GDA: variants seen among roughly 807,000 people sequenced by gnomAD.
GDA encodes guanine deaminase, also known as cytoplasmic PSD-95 interactor.
In GDA, 18 loss-of-function variants were observed where a neutral mutation model predicts 59.6. The ratio of observed to expected loss-of-function variants is 0.30; its 90% CI spans 0.21 to 0.45. The LOEUF (loss-of-function observed/expected upper bound fraction) is 0.45. Among genes scored for constraint, GDA ranks in the 20% least tolerant of loss-of-function variants. The pLI is 1.00. For synonymous variants in GDA, 201 were observed against 201.1 expected (o/e 1.00, Z 0.00); for missense variants, 427 against 552.3 (o/e 0.77, Z 2.27).
chr9:72,146,464 C>G (rs1262484653), upstream of GDA, among the ~76,000 whole-genome samples: 1 of 152,022 alleles, frequency 6.6e-6, no homozygotes, highest in Non-Finnish European at 1.5e-5. Context: ...GAATGGGAGT[C>G]AAAATTGCAG....
chr9:72,234,206 A>G (rs1326138225), intron 10 of GDA, among the ~76,000 whole-genome samples: 4 of 152,182 alleles, frequency 2.6e-5, no homozygotes, highest in Non-Finnish European at 5.9e-5. Flanking sequence ...GACCAACAGA[A>G]CTAACTGATA....
chr9:72,134,460 G>C (rs1826147509), intron 1 of GDA, among the ~76,000 whole-genome samples: 1 of 151,876 alleles, frequency 6.6e-6, no homozygotes, highest in Admixed American at 6.6e-5. Context: ...GGAGTGCAGT[G>C]GTGTGATCTC....
chr9:72,245,055 C>A (rs1315222973), intron 11 of GDA, 93 bp from the exon 12 acceptor site: 3 of 1,196,082 alleles, frequency 2.5e-6, no homozygotes, highest in Non-Finnish European at 3.6e-6. Context: ...TTTCTCCTAG[C>A]GACATGTTGG....
At position 72,133,287 on chromosome 9, in the gene GDA, TA is replaced by T. The variant is rs1257876460; in HGVS notation, c.-100+18477del. On this transcript the variant is annotated intron_variant, in intron 1 of 13. Coordinates refer to the GDA transcript ENST00000545168. ...CCAGGTGACAAAGCAAGACTCTGTC[TA>T]AAAAAAAAAAAAAAAAAAAAAATAA... Among the ~76,000 whole-genome samples the T allele has an allele frequency of 8.4e-3, 803 of 95,480 alleles. 7 individuals carry two copies. Among genetic ancestry groups the T allele is most frequent in the African/African-American group, 0.014 (318 of 23,054 alleles). The allele number at this position is 95,480 out of a possible 152,430, so 62.6% of individuals were successfully genotyped here.
At position 72,159,227 on chromosome 9, in the gene GDA, C is replaced by T. The variant is rs530812737; in HGVS notation, c.123+9545C>T. On this transcript the variant is annotated intron_variant, in intron 1 of 13. Coordinates refer to ENST00000358399, the MANE Select transcript of GDA (RefSeq NM_004293.5). ...TGGCCAACATGGTGAAACCCCGTCT[C>T]TACTAAAAATACAAAAATTAGCCAG... Among the ~76,000 whole-genome samples the T allele has an allele frequency of 3.1e-4, 47 of 152,226 alleles. No individual in the cohort carries two copies. The South Asian group carries it at 8.9e-3, about 29-fold the overall frequency.
chr9:72,208,565 C>G (rs545766102), intron 3 of GDA, among the ~76,000 whole-genome samples: 1 of 152,290 alleles, frequency 6.6e-6, no homozygotes, highest in East Asian at 1.9e-4. Flanking sequence ...CTCTTTGCCT[C>G]TTTCCTGCGT....
At chr9:72,121,700 C>G (rs745779066) in intron 1 of GDA, among the ~76,000 whole-genome samples, 9 of 152,212 alleles carry the variant, frequency 5.9e-5, no homozygotes, top group South Asian at 4.1e-4. Context: ...TCTGCCTCAT[C>G]ATAGACAAAC....
At chr9:72,168,658 G>GCAT (rs987966901) in intron 1 of GDA, among the ~76,000 whole-genome samples, 5 of 152,122 alleles carry the variant, frequency 3.3e-5, no homozygotes, top group African/African-American at 1.2e-4. Context: ...CTCCCAAAGT[G>GCAT]CTGATACCCT....
At chr9:72,232,905 A>G (rs1838521985) in intron 10 of GDA, among the ~76,000 whole-genome samples, 1 of 152,228 alleles carries the variant, frequency 6.6e-6, no homozygotes, top group Non-Finnish European at 1.5e-5. Context: ...AATGCATGCA[A>G]ATTGGTTAGC....
At chr9:72,220,611 C>T (rs79900083) in intron 6 of GDA, among the ~76,000 whole-genome samples, 1 of 152,064 alleles carries the variant, frequency 6.6e-6, no homozygotes, top group Admixed American at 6.5e-5. Flanking sequence ...TCCTTACCCC[C>T]CTCTGGGATC....
chr9:72,174,757 T>G lies in GDA; in HGVS notation c.124-20743T>G, dbSNP rs557618503. Among the ~76,000 whole-genome samples, 405 of 150,640 alleles carry G rather than the reference T, an allele frequency of 2.7e-3. 2 individuals are homozygous for G. The highest frequency in any genetic ancestry group is 6.6e-3 in the African/African-American group (269 of 40,604). ...GAACTGTTGAGGTTATATATATATA[T>G]ATATAGAGAGAGAGAGAGAGAGACA... On this transcript the variant is annotated intron_variant, in intron 1 of 13. Coordinates refer to ENST00000358399, the MANE Select transcript of GDA (RefSeq NM_004293.5).
chr9:72,167,090 T>G (rs1829405830), intron 1 of GDA, among the ~76,000 whole-genome samples: 1 of 152,212 alleles, frequency 6.6e-6, no homozygotes, highest in African/African-American at 2.4e-5. Context: ...ATTGACGCTT[T>G]TGGTCTTAAA....
chr9:72,190,871 G>T (rs1438685392), intron 1 of GDA, among the ~76,000 whole-genome samples: 4 of 151,924 alleles, frequency 2.6e-5, no homozygotes, highest in Non-Finnish European at 5.9e-5. Flanking sequence ...AGTGTAAAAA[G>T]TTTTTTTCAT....
At chr9:72,176,429 A>G (rs1436195044) in intron 1 of GDA, among the ~76,000 whole-genome samples, 1 of 152,234 alleles carries the variant, frequency 6.6e-6, no homozygotes, top group East Asian at 1.9e-4. Flanking sequence ...ACTCGGCTCC[A>G]CCTTCTGAAG....
At chr9:72,210,562 T>A in intron 3 of GDA, 125 bp from the exon 4 acceptor site, 1 of 625,602 alleles carries the variant, frequency 1.6e-6, no homozygotes, top group East Asian at 2.8e-5. Flanking sequence ...GTACTCTACA[T>A]CAAGATGGCA....
intron 1 of GDA, among the ~76,000 whole-genome samples, chr9:72,176,825 C>G (rs1830588994): frequency 6.6e-6 from 1 of 152,120 alleles, no homozygotes; most frequent in Non-Finnish European, 1.5e-5. Context: ...TTTGTCTGTT[C>G]CATTCAGAGC....
intron 1 of GDA, among the ~76,000 whole-genome samples, chr9:72,166,872 A>G (rs972596931): frequency 6.6e-6 from 1 of 152,146 alleles, no homozygotes; most frequent in Non-Finnish European, 1.5e-5. Flanking sequence ...GTTTTCATAG[A>G]TCAGTCCATA....
intron 1 of GDA, among the ~76,000 whole-genome samples, chr9:72,153,706 C>T (rs192667397): frequency 1.3e-5 from 2 of 150,688 alleles, no homozygotes; most frequent in Non-Finnish European, 1.5e-5. Flanking sequence ...TGGAAACTGT[C>T]GCAAGGACAA....
chr9:72,133,305 A>ATAATAATAATAATAATAATAAT (rs1293322271), intron 1 of GDA, among the ~76,000 whole-genome samples: 37 of 131,524 alleles, frequency 2.8e-4, no homozygotes, highest in South Asian at 1.5e-3. Flanking sequence ...AAAAAAAAAA[A>ATAATAATAATAATAATAATAAT]AAAAATAATA....
Sources: gnomAD v4.1 joint callset for allele counts (sites outside exome capture counted in the v4.1 genomes callset) on GRCh38, gnomAD v4.1.1 for gene constraint, MANE v1.5 for transcripts, NCBI Gene and HGNC (gene_info 2026-07-23, HGNC 2026-07-21) for gene names.